CSGALNACT2: variants seen among roughly 807,000 people sequenced by gnomAD.
CSGALNACT2 encodes beta 4 GalNAcT-2.
A neutral mutation model predicts 55.3 loss-of-function variants in CSGALNACT2; 35 were observed. The observed-to-expected ratio is 0.63, with a 90% CI of 0.48 to 0.84. The LOEUF (loss-of-function observed/expected upper bound fraction) is 0.84, where lower values mean the gene tolerates loss of function less well. CSGALNACT2 is among the 40% of genes least tolerant of loss of function. The pLI is 0.00. For synonymous variants in CSGALNACT2, 196 were observed against 224.9 expected, an observed-to-expected ratio of 0.87 and a Z score of 1.15; for missense variants, 544 against 657.5, an observed-to-expected ratio of 0.83 and a Z score of 1.89.
intron 1 of CSGALNACT2, among the ~76,000 whole-genome samples, chr10:43,142,652 G>A (rs1838655108): frequency 6.6e-6 from 1 of 152,242 alleles, no homozygotes; most frequent in South Asian, 2.1e-4. Context: ...TGCAAAGGCA[G>A]AATCAACTGG....
chr10:43,141,143 C>T (rs1469898758), intron 1 of CSGALNACT2, among the ~76,000 whole-genome samples: 1 of 152,098 alleles, frequency 6.6e-6, no homozygotes, highest in Non-Finnish European at 1.5e-5. Flanking sequence ...CTTTGGAAGG[C>T]CGAGGCAGGA....
intron 1 of CSGALNACT2, among the ~76,000 whole-genome samples, chr10:43,152,424 T>TAAAA (rs10641480): frequency 2.0e-5 from 3 of 151,722 alleles, no homozygotes; most frequent in Non-Finnish European, 2.9e-5. Flanking sequence ...ATTATGCAAC[T>TAAAA]TTTACATTCT....
At chr10:43,175,219 T>C (rs1210840895) in intron 6 of CSGALNACT2, among the ~76,000 whole-genome samples, 2 of 152,124 alleles carry the variant, frequency 1.3e-5, no homozygotes, top group Admixed American at 6.5e-5. Context: ...CATAGACAAT[T>C]TGTAAACAGA....
At chr10:43,175,406 A>C (rs1246227400) in intron 6 of CSGALNACT2, among the ~76,000 whole-genome samples, 1 of 152,034 alleles carries the variant, frequency 6.6e-6, no homozygotes, top group Non-Finnish European at 1.5e-5. Context: ...TGGTTTACCT[A>C]CTTGGCCTGA....
intron 3 of CSGALNACT2, among the ~76,000 whole-genome samples, chr10:43,159,770 A>G (rs1051876309): frequency 6.6e-6 from 1 of 152,246 alleles, no homozygotes; most frequent in Non-Finnish European, 1.5e-5. Flanking sequence ...TATGAAAACT[A>G]TTTGTGGAAA....
In CSGALNACT2 at chr10:43,173,751, G is replaced by A. The variant is rs55989905; in HGVS notation, c.1255-2200G>A. On this transcript the variant is annotated intron_variant, in intron 6 of 7. Coordinates refer to ENST00000374466, the MANE Select transcript of CSGALNACT2 (RefSeq NM_018590.5). ...CTCACACGTGTAATCCGAGCACTTT[G>A]GGATGCCGAGGTGGGTGGATCACCA... 2.0e-3 allele frequency among the ~76,000 whole-genome samples: 305 copies of A among 152,254 alleles called. No homozygotes were observed. The Middle Eastern group carries it at 0.02, about 10-fold the overall frequency.
At chr10:43,171,354 CT>C (rs755082076) in intron 6 of CSGALNACT2, among the ~76,000 whole-genome samples, 301 of 142,056 alleles carry the variant, frequency 2.1e-3, no homozygotes, top group Middle Eastern at 7.5e-3. Flanking sequence ...TGCTAATACT[CT>C]TTTTTTTTTT....
chr10:43,168,977 AT>A (rs1839328614), intron 6 of CSGALNACT2, among the ~76,000 whole-genome samples: 1 of 152,206 alleles, frequency 6.6e-6, no homozygotes, highest in Non-Finnish European at 1.5e-5. Context: ...GCTGCTTTGC[AT>A]CCTCTGAGCT....
chr10:43,155,875 T>C (rs1350992332), intron 2 of CSGALNACT2, 65 bp downstream of exon 2: 3 of 1,301,182 alleles, frequency 2.3e-6, no homozygotes, highest in Non-Finnish European at 3.2e-6. Context: ...TGTATGCTGG[T>C]ATTGTATTGT....
intron 2 of CSGALNACT2, among the ~76,000 whole-genome samples, chr10:43,157,632 TGGGACCAAGTCTA>T (rs767777002): frequency 6.6e-6 from 1 of 152,140 alleles, no homozygotes; most frequent in Non-Finnish European, 1.5e-5. Flanking sequence ...TCAGGAGGGT[TGGGACCAAGTCTA>T]TTTTATTCAC....
At chr10:43,174,462 TTGTTCCTCTC>T (rs1271264437) in intron 6 of CSGALNACT2, among the ~76,000 whole-genome samples, 1 of 152,162 alleles carries the variant, frequency 6.6e-6, no homozygotes, top group East Asian at 1.9e-4. Flanking sequence ...CAACTCCATG[TTGTTCCTCTC>T]TGGGCTGGCC....
intron 1 of CSGALNACT2, among the ~76,000 whole-genome samples, chr10:43,147,575 T>C (rs1315617805): frequency 6.6e-6 from 1 of 152,194 alleles, no homozygotes; most frequent in East Asian, 1.9e-4. Flanking sequence ...GATTTTATCC[T>C]ATGCTTGCTT....
intron 1 of CSGALNACT2, among the ~76,000 whole-genome samples, chr10:43,142,109 G>T (rs1388467996): frequency 6.6e-6 from 1 of 152,172 alleles, no homozygotes; most frequent in Non-Finnish European, 1.5e-5. Flanking sequence ...TAAAGCAGGG[G>T]TTGCCAGTAT....
intron 4 of CSGALNACT2, chr10:43,163,199 C>T: frequency 1.0e-6 from 1 of 985,282 alleles, no homozygotes; most frequent in Non-Finnish European, 1.2e-6. Context: ...AACATCTTCT[C>T]TAACTACTCC....
intron 5 of CSGALNACT2, among the ~76,000 whole-genome samples, chr10:43,166,375 C>T (rs1015200935): frequency 4.6e-5 from 7 of 152,148 alleles, no homozygotes; most frequent in Non-Finnish European, 1.5e-5. Context: ...TGAAGCCAGC[C>T]ATAGCAAGGG....
chr10:43,159,749 T>C (rs755531231), intron 3 of CSGALNACT2, among the ~76,000 whole-genome samples: 1 of 152,164 alleles, frequency 6.6e-6, no homozygotes, highest in Non-Finnish European at 1.5e-5. Context: ...GTTAAATAAT[T>C]ATCTACACAT....
intron 1 of CSGALNACT2, among the ~76,000 whole-genome samples, chr10:43,140,055 G>C (rs771742226): frequency 1.1e-4 from 17 of 152,182 alleles, no homozygotes; most frequent in Non-Finnish European, 1.9e-4. Flanking sequence ...TTAGCCAGGC[G>C]TGGTGGCGGG....
At chr10:43,156,254 C>T (rs1457675532) in intron 2 of CSGALNACT2, among the ~76,000 whole-genome samples, 1 of 152,116 alleles carries the variant, frequency 6.6e-6, no homozygotes, top group Admixed American at 6.5e-5. Flanking sequence ...AGGAGAAGCT[C>T]ATGTCTGAAC....
At chr10:43,166,542 T>C (rs1839268256) in intron 5 of CSGALNACT2, among the ~76,000 whole-genome samples, 1 of 152,260 alleles carries the variant, frequency 6.6e-6, no homozygotes, top group South Asian at 2.1e-4. Context: ...TCAGATTTAT[T>C]CTATATTTTC....
Sources: allele counts gnomAD v4.1 joint callset (sites outside exome capture counted in the v4.1 genomes callset), GRCh38; gene constraint gnomAD v4.1.1; transcripts MANE v1.5; gene names NCBI Gene and HGNC (gene_info 2026-07-23, HGNC 2026-07-21).